PRMT8: variants seen among roughly 807,000 people sequenced by gnomAD.
PRMT8 encodes the protein protein arginine methyltransferase 8.
PRMT8 carries 7 observed loss-of-function variants against 47.1 expected under a neutral mutation model. That is an observed-to-expected ratio of 0.15 (90% confidence interval 0.08 to 0.28). PRMT8 has a LOEUF of 0.28. Among genes scored for constraint, PRMT8 ranks in the 10% least tolerant of loss-of-function variants. PRMT8 has a pLI of 1.00. For missense variants in PRMT8, 237 were observed against 505.4 expected (o/e 0.47, Z 5.09); for synonymous variants, 188 against 186.5 (o/e 1.01, Z -0.07).
intron 1 of PRMT8, among the ~76,000 whole-genome samples, chr12:3,455,370 G>T (rs971707079): frequency 2.4e-4 from 37 of 152,288 alleles, no homozygotes; most frequent in African/African-American, 7.5e-4. Flanking sequence ...CCTGGGCTTG[G>T]GGTGTGGAAG....
intron 1 of PRMT8, among the ~76,000 whole-genome samples, chr12:3,417,893 G>T (rs971619997): frequency 1.3e-5 from 2 of 152,192 alleles, no homozygotes; most frequent in Non-Finnish European, 2.9e-5. Flanking sequence ...GAAGCCACCT[G>T]CCTGGTTTCA....
At chr12:3,415,219 G>A (rs1441157389) in intron 1 of PRMT8, among the ~76,000 whole-genome samples, 12 of 152,148 alleles carry the variant, frequency 7.9e-5, no homozygotes, top group Admixed American at 2.6e-4. Context: ...TGCATGGGGC[G>A]AGGCATGGGG....
At chr12:3,428,313 T>C (rs1338329115) in intron 1 of PRMT8, among the ~76,000 whole-genome samples, 1 of 152,142 alleles carries the variant, frequency 6.6e-6, no homozygotes, top group Non-Finnish European at 1.5e-5. Flanking sequence ...CTACCTTTTG[T>C]CCCCGCTTTT....
At chr12:3,491,806 T>A in intron 1 of PRMT8, 106 bp downstream of exon 1, 1 of 1,249,662 alleles carries the variant, frequency 8.0e-7, no homozygotes, top group Non-Finnish European at 1.1e-6. Context: ...CCCAGTTTCA[T>A]CCCGCTCGCT....
rs775379973 is a variant in PRMT8 at position 3,493,551 on chromosome 12, G to T, written c.75+1851G>T. On this transcript the variant is annotated intron_variant, in intron 1 of 9. Transcript: ENST00000382622. The surrounding 1 kb of genome is among the most constrained non-coding windows in gnomAD (Gnocchi z 8.2). ...CTTTGCCTCCTACCCCCGCTGCCGC[G>T]CGGGGTCTGGGTGCAGACCCCTGCC... Among the ~76,000 whole-genome samples, 22 of 152,202 alleles carry T rather than the reference G, an allele frequency of 1.4e-4. No individual in the cohort carries two copies. Among genetic ancestry groups the T allele is most frequent in the Admixed American group, 3.9e-4 (6 of 15,292 alleles).
intron 3 of PRMT8, chr12:3,553,134 G>T (rs906023678): frequency 3.4e-5 from 7 of 204,768 alleles, no homozygotes; most frequent in African/African-American, 1.6e-4. Context: ...AGCTAACGTG[G>T]GGGGTGGGAG....
Position 3,491,580 on chromosome 12 carries a change from TCTC to T in PRMT8, c.-39_-37del, listed in dbSNP as rs747992787. 22 of 1,591,028 alleles carry T rather than the reference TCTC, an allele frequency of 1.4e-5. No homozygotes were observed. The highest frequency in any genetic ancestry group is 2.7e-5 in the African/African-American group (2 of 73,648). Reference sequence around the variant, plus strand: ...CTCTTTTAAAGCGACACCAGCTCTCTCTCCTCCTCTACTATCTCGGTATCACCA... The same window carrying T: ...CTCTTTTAAAGCGACACCAGCTCTCTCTCCTCTACTATCTCGGTATCACCA... On this transcript the variant is annotated 5_prime_UTR_variant, in exon 1 of 10. Coordinates refer to ENST00000382622, the MANE Select transcript of PRMT8 (RefSeq NM_019854.5).
At chr12:3,518,683 C>T (rs1865832917) in intron 1 of PRMT8, among the ~76,000 whole-genome samples, 1 of 152,000 alleles carries the variant, frequency 6.6e-6, no homozygotes, top group African/African-American at 2.4e-5. Context: ...AAATGCAAGA[C>T]CCTAGAAAGC....
chr12:3,573,738 T>C (rs1483836605), intron 6 of PRMT8, among the ~76,000 whole-genome samples: 2 of 152,198 alleles, frequency 1.3e-5, no homozygotes, highest in African/African-American at 4.8e-5. Context: ...ATAGTCCTTT[T>C]TAGGAGTCTG....
rs553192492 is a variant in PRMT8, at chr12:3,519,535, G to A, written c.76-21071G>A. Among the ~76,000 whole-genome samples, 5 of 152,366 alleles carry A rather than the reference G, an allele frequency of 3.3e-5. No homozygotes were observed. The South Asian group carries it at 1.0e-3, about 32-fold the overall frequency. ...TTAGGATCAGGCTGTTTGAGGAACA[G>A]TGGGTTGCCTATGGCAAAGGGTAGA... On this transcript the variant is annotated intron_variant, in intron 1 of 9. Coordinates refer to ENST00000382622, the MANE Select transcript of PRMT8 (RefSeq NM_019854.5).
chr12:3,438,820 G>A (rs772710400), intron 1 of PRMT8, among the ~76,000 whole-genome samples: 20 of 152,150 alleles, frequency 1.3e-4, no homozygotes, highest in Non-Finnish European at 1.5e-5. Flanking sequence ...CTATTTATGG[G>A]GATGTTCTTT....
chr12:3,449,981 G>C (rs977767342), intron 1 of PRMT8, among the ~76,000 whole-genome samples: 4 of 152,154 alleles, frequency 2.6e-5, no homozygotes, highest in African/African-American at 9.7e-5. Context: ...TTATTAAATA[G>C]GAAATCCTTT....
intron 1 of PRMT8, among the ~76,000 whole-genome samples, chr12:3,428,943 T>A (rs1864640723): frequency 6.6e-6 from 1 of 151,116 alleles, no homozygotes. Flanking sequence ...TCTCTGTCTC[T>A]TCCTCTCTCC....
In PRMT8 at chr12:3,538,793, G is replaced by C; in HGVS notation, c.76-1813G>C. ...GACCGTGACCAACATCCCAAGCTGA[G>C]AGTGGGCACACCTGCTGCATTCTAA... On this transcript the variant is annotated intron_variant, in intron 1 of 9. Coordinates refer to ENST00000382622, the MANE Select transcript of PRMT8 (RefSeq NM_019854.5). This position sits in a 1 kb window ranked among gnomAD's most constrained non-coding sequence, Gnocchi z 4.6. The C allele has an allele frequency of 5.8e-6, 3 of 516,188 alleles. No homozygotes were observed. Among genetic ancestry groups the C allele is most frequent in the South Asian group, 4.2e-5 (3 of 71,320 alleles). 32.0% of individuals were successfully genotyped at this position (516,188 alleles called of 1,614,324 possible).
At chr12:3,426,718 G>A (rs886289828) in intron 1 of PRMT8, among the ~76,000 whole-genome samples, 1 of 152,226 alleles carries the variant, frequency 6.6e-6, no homozygotes, top group Non-Finnish European at 1.5e-5. Flanking sequence ...TAGAATAGAT[G>A]AAAGAGAGTT....
At position 3,538,926 on chromosome 12, in the gene PRMT8, G is replaced by A. The variant is rs7962508; in HGVS notation, c.76-1680G>A. 0.8 allele frequency among the ~76,000 whole-genome samples: 122,150 copies of A among 152,124 alleles called. 49,589 individuals are homozygous for A. The highest frequency in any genetic ancestry group is 0.94 in the East Asian group (4,858 of 5,168). Reference sequence around the variant, plus strand: ...TTATTTCCCAAGGGCGGTAGCCTAGGTACACTGGGAAGATGGGACCATCCC... The same window carrying A: ...TTATTTCCCAAGGGCGGTAGCCTAGATACACTGGGAAGATGGGACCATCCC... On this transcript the variant is annotated intron_variant, in intron 1 of 9. Coordinates refer to ENST00000382622, the MANE Select transcript of PRMT8 (RefSeq NM_019854.5). This position sits in a 1 kb window ranked among gnomAD's most constrained non-coding sequence, Gnocchi z 4.6.
At chr12:3,399,117 T>C (rs1347833364) in intron 1 of PRMT8, among the ~76,000 whole-genome samples, 1 of 152,140 alleles carries the variant, frequency 6.6e-6, no homozygotes, top group Non-Finnish European at 1.5e-5. Flanking sequence ...GCTCGTTGGC[T>C]CTCCCCACCA....
upstream of PRMT8, among the ~76,000 whole-genome samples, chr12:3,489,585 T>C: frequency 6.6e-6 from 1 of 152,118 alleles, no homozygotes; most frequent in East Asian, 1.9e-4. Flanking sequence ...TCAGAATCTT[T>C]TGTCTCTGAG....
intron 1 of PRMT8, among the ~76,000 whole-genome samples, chr12:3,430,523 A>G (rs990525865): frequency 6.6e-6 from 1 of 152,232 alleles, no homozygotes; most frequent in African/African-American, 2.4e-5. Flanking sequence ...TGATTAACTA[A>G]GATAACATTT....
Sources: allele counts gnomAD v4.1 joint callset (sites outside exome capture counted in the v4.1 genomes callset), GRCh38; gene constraint gnomAD v4.1.1; non-coding constraint Gnocchi (gnomAD v3.1); transcripts MANE v1.5; gene names NCBI Gene and HGNC (gene_info 2026-07-23, HGNC 2026-07-21).